NKAIN2: variants seen among roughly 807,000 people sequenced by gnomAD.
The protein encoded by NKAIN2 is sodium/potassium transporting ATPase interacting 2, also known as sodium/potassium-transporting ATPase subunit beta-1-interacting protein 2.
NKAIN2 carries 14 observed loss-of-function variants against 32.6 expected under a neutral mutation model. The observed-to-expected ratio is 0.43, with a 90% CI of 0.28 to 0.67. The LOEUF is 0.67. Among genes scored for constraint, NKAIN2 ranks in the 30% least tolerant of loss-of-function variants. NKAIN2 has a pLI of 0.17. For missense variants in NKAIN2, 198 were observed against 258.3 expected, an observed-to-expected ratio of 0.77 and a Z score of 1.60; for synonymous variants, 80 against 87.2, an observed-to-expected ratio of 0.92 and a Z score of 0.46.
chr6:124,454,729 C>A (rs1460374725), intron 3 of NKAIN2, among the ~76,000 whole-genome samples: 1 of 151,862 alleles, frequency 6.6e-6, no homozygotes, highest in African/African-American at 2.4e-5. Context: ...GAATTGTGAG[C>A]CCATGAGTGG....
intron 1 of NKAIN2, among the ~76,000 whole-genome samples, chr6:124,210,430 T>G (rs1333471574): frequency 6.6e-6 from 1 of 151,896 alleles, no homozygotes; most frequent in Non-Finnish European, 1.5e-5. Context: ...AGGTCTTTTG[T>G]GGTTCCATAT....
chr6:124,268,332 G>A (rs139240565), intron 1 of NKAIN2, among the ~76,000 whole-genome samples: 339 of 152,302 alleles, frequency 2.2e-3, no homozygotes, highest in African/African-American at 7.7e-3. Flanking sequence ...AAGTAGTTCT[G>A]TGCTTTAGAG....
intron 3 of NKAIN2, among the ~76,000 whole-genome samples, chr6:124,555,321 C>G (rs1407730866): frequency 2.1e-5 from 2 of 93,444 alleles, no homozygotes; most frequent in Non-Finnish European, 4.6e-5. Flanking sequence ...GAATTTGAAG[C>G]ATGAATGACA....
At chr6:124,411,274 C>G (rs1224994080) in intron 3 of NKAIN2, among the ~76,000 whole-genome samples, 1 of 147,976 alleles carries the variant, frequency 6.8e-6, no homozygotes. Flanking sequence ...TTCTTCCTAG[C>G]CTTGATGGTC....
At chr6:124,405,281 T>A in intron 3 of NKAIN2, among the ~76,000 whole-genome samples, 1 of 152,302 alleles carries the variant, frequency 6.6e-6, no homozygotes, top group Non-Finnish European at 1.5e-5. Context: ...ATACTTAGAT[T>A]CTTGATAGAA....
At chr6:123,965,555 C>G (rs1316516969) in intron 1 of NKAIN2, among the ~76,000 whole-genome samples, 1 of 152,162 alleles carries the variant, frequency 6.6e-6, no homozygotes, top group Non-Finnish European at 1.5e-5. Flanking sequence ...TTTAAACCCA[C>G]ATATGCTTGA....
chr6:124,231,368 A>G (rs1025162079), intron 1 of NKAIN2, among the ~76,000 whole-genome samples: 1 of 152,190 alleles, frequency 6.6e-6, no homozygotes, highest in Non-Finnish European at 1.5e-5. Context: ...TTTTGAGCTA[A>G]TGCTGAAATG....
At chr6:124,464,505 C>A (rs538147560) in intron 3 of NKAIN2, among the ~76,000 whole-genome samples, 38 of 151,382 alleles carry the variant, frequency 2.5e-4, no homozygotes, top group African/African-American at 8.2e-4. Flanking sequence ...TTTATTACAT[C>A]TTTTTTTCCT....
At chr6:123,862,582 G>A (rs1383956682) in intron 1 of NKAIN2, among the ~76,000 whole-genome samples, 2 of 152,080 alleles carry the variant, frequency 1.3e-5, no homozygotes, top group Non-Finnish European at 1.5e-5. Flanking sequence ...TGGTCTCTCA[G>A]TTCATTCCCT....
chr6:124,173,193 T>A (rs143146144), intron 1 of NKAIN2, among the ~76,000 whole-genome samples: 218 of 152,238 alleles, frequency 1.4e-3, no homozygotes, highest in African/African-American at 4.9e-3. Flanking sequence ...AGAATAATGA[T>A]AAAATGAGAA....
chr6:124,245,784 C>T (rs997400030), intron 1 of NKAIN2, among the ~76,000 whole-genome samples: 1 of 151,996 alleles, frequency 6.6e-6, no homozygotes, highest in Non-Finnish European at 1.5e-5. Flanking sequence ...CTTTCACATG[C>T]ATCACATCCT....
intron 1 of NKAIN2, among the ~76,000 whole-genome samples, chr6:123,873,842 T>C (rs1298246897): frequency 6.6e-6 from 1 of 152,184 alleles, no homozygotes; most frequent in East Asian, 1.9e-4. Context: ...GTACTCTTTA[T>C]TGTATGTAGA....
intron 4 of NKAIN2, among the ~76,000 whole-genome samples, chr6:124,746,037 C>G (rs1229374985): frequency 6.6e-6 from 1 of 151,750 alleles, no homozygotes; most frequent in Non-Finnish European, 1.5e-5. Context: ...ACCTATGTAA[C>G]AATTTGGGAA....
intron 2 of NKAIN2, among the ~76,000 whole-genome samples, chr6:124,330,554 C>T (rs1393371279): frequency 6.6e-6 from 1 of 152,214 alleles, no homozygotes; most frequent in Non-Finnish European, 1.5e-5. Context: ...TGAAGGAGTG[C>T]ATAACCATGA....
At chr6:124,087,063 A>C (rs1372244383) in intron 1 of NKAIN2, among the ~76,000 whole-genome samples, 1 of 152,078 alleles carries the variant, frequency 6.6e-6, no homozygotes, top group South Asian at 2.1e-4. Context: ...ATATTTTAAA[A>C]ATGTAGATGG....
intron 1 of NKAIN2, among the ~76,000 whole-genome samples, chr6:124,234,397 G>A (rs148907222): frequency 6.8e-4 from 103 of 152,240 alleles, no homozygotes; most frequent in African/African-American, 2.3e-3. Context: ...CTTATTGGTG[G>A]TGTCCAGTAG....
chr6:124,560,143 G>A lies in NKAIN2; in HGVS notation c.274-98043G>A, dbSNP rs779236233. Among the ~76,000 whole-genome samples, 103 of 152,070 alleles carry A rather than the reference G, an allele frequency of 6.8e-4. 1 individual carries two copies. Among genetic ancestry groups the A allele is most frequent in the Non-Finnish European group, 1.2e-3 (80 of 68,022 alleles). The stretch of plus-strand genomic sequence containing the variant: ...CCCCACCCAAATCTCATTTTGACTT[G>A]TAGTTCCCATAATTCACACATCTCA... On this transcript the variant is annotated intron_variant, in intron 3 of 6. Transcript: ENST00000368417.
chr6:124,682,377 C>T (rs1343057172), intron 4 of NKAIN2, among the ~76,000 whole-genome samples: 1 of 152,080 alleles, frequency 6.6e-6, no homozygotes, highest in African/African-American at 2.4e-5. Flanking sequence ...TGAAAAAGGT[C>T]ATGGTATTAA....
intron 3 of NKAIN2, among the ~76,000 whole-genome samples, chr6:124,524,603 G>A (rs1429221777): frequency 6.6e-6 from 1 of 152,032 alleles, no homozygotes; most frequent in Non-Finnish European, 1.5e-5. Context: ...GAAAAAAGTA[G>A]GGCATATGTT....
Sources: allele counts gnomAD v4.1 joint callset (sites outside exome capture counted in the v4.1 genomes callset), GRCh38; gene constraint gnomAD v4.1.1; transcripts MANE v1.5; gene names NCBI Gene and HGNC (gene_info 2026-07-23, HGNC 2026-07-21).